VSTM2A: variants seen among roughly 807,000 people sequenced by gnomAD.
The protein encoded by VSTM2A is V-set and transmembrane domain containing 2A, also known as V-set and transmembrane domain-containing protein 2A.
A neutral mutation model predicts 27.3 loss-of-function variants in VSTM2A; 13 were observed. The observed-to-expected ratio is 0.48, with a 90% CI of 0.31 to 0.76. VSTM2A has a LOEUF of 0.76. Ranked by LOEUF, VSTM2A falls within the 30% of genes least tolerant of loss-of-function variation. The pLI is 0.05. For missense variants in VSTM2A, 280 were observed against 310.0 expected, an observed-to-expected ratio of 0.90 and a Z score of 0.73; for synonymous variants, 142 against 125.7, an observed-to-expected ratio of 1.13 and a Z score of -0.87.
chr7:54,545,043 G>C (rs574138429), intron 2 of VSTM2A, among the ~76,000 whole-genome samples: 1 of 152,308 alleles, frequency 6.6e-6, no homozygotes, highest in East Asian at 1.9e-4. Context: ...TGTAAGTTCT[G>C]GTACTTAGGC....
rs1363312916 is a variant in VSTM2A at position 54,549,896 on chromosome 7, G to C, written c.360G>C (p.Lys120Asn). 6.2e-7 allele frequency: 1 copy of C among 1,613,678 alleles called. No individual in the cohort carries two copies. Among genetic ancestry groups the C allele is most frequent in the Non-Finnish European group, 8.5e-7 (1 of 1,179,744 alleles). ...TTCAGATTTCCAAAGTGAGGAAAAA[G>C]GATGAAGGCTTATATGAGTGCAGGG... Reference protein sequence around the residue: ...HKLQISKVRKKDEGLYECRVT... With the variant: ...HKLQISKVRKNDEGLYECRVT... Residue 120 changes from lysine to asparagine, a missense_variant, in exon 4 of 5, where the codon AAG becomes AAC. Lys to Asn is a moderately conservative substitution (Grantham distance 94). Coordinates refer to ENST00000402613, the MANE Select transcript of VSTM2A (RefSeq NM_001301009.2).
At chr7:54,557,320 CTTT>C (rs10543201) in intron 4 of VSTM2A, 95 of 134,976 alleles carry the variant, frequency 7.0e-4, no homozygotes, top group African/African-American at 9.0e-4. Context: ...TCATTTCTTT[CTTT>C]TTTTTTTTTT....
intron 4 of VSTM2A, chr7:54,550,956 A>T (rs2115823593): frequency 6.6e-6 from 1 of 152,332 alleles, no homozygotes; most frequent in African/African-American, 2.4e-5. Flanking sequence ...GTGACATGGG[A>T]TGAAGGGAGC....
intron 4 of VSTM2A, chr7:54,557,832 A>G (rs2115874584): frequency 6.6e-6 from 1 of 152,300 alleles, no homozygotes; most frequent in East Asian, 1.9e-4. Flanking sequence ...AATGGTCTTT[A>G]CCACCTGGTT....
At chr7:54,554,997 C>T (rs924704709) in intron 4 of VSTM2A, among the ~76,000 whole-genome samples, 3 of 152,334 alleles carry the variant, frequency 2.0e-5, no homozygotes, top group Admixed American at 2.0e-4. Flanking sequence ...TCTTAGCTTT[C>T]TCACCAAAAA....
rs535409039 is a variant in VSTM2A, at chr7:54,550,227, G to T, written c.634+57G>T. On this transcript the variant is annotated intron_variant, in intron 4 of 4. Transcript: ENST00000402613. ...ACCACTCACAAACGCTCCACAGAAA[G>T]GTCAGTCGTATAGAGTAGACAGATT... The T allele has an allele frequency of 1.4e-4, 222 of 1,553,172 alleles. 4 individuals carry two copies. In the South Asian group the frequency reaches 2.3e-3, roughly 16 times the overall value.
intron 4 of VSTM2A, among the ~76,000 whole-genome samples, chr7:54,564,483 C>A (rs1195821253): frequency 6.6e-6 from 1 of 152,124 alleles, no homozygotes; most frequent in Non-Finnish European, 1.5e-5. Flanking sequence ...GGAAATTAAT[C>A]CATCAGAAAA....
chr7:54,552,345 A>G (rs549662212), intron 4 of VSTM2A: 9 of 152,304 alleles, frequency 5.9e-5, no homozygotes, highest in African/African-American at 1.9e-4. Context: ...TTTCGATTTC[A>G]GAAGCTGGGG....
At chr7:54,555,744 A>G (rs921482368) in intron 4 of VSTM2A, among the ~76,000 whole-genome samples, 5 of 152,166 alleles carry the variant, frequency 3.3e-5, no homozygotes, top group East Asian at 3.8e-4. Flanking sequence ...CAATTCCTCT[A>G]TGTGCCCTGA....
chr7:54,543,797 A>G (rs1014456451), intron 1 of VSTM2A, among the ~76,000 whole-genome samples: 38 of 152,336 alleles, frequency 2.5e-4, no homozygotes, highest in African/African-American at 8.7e-4. Context: ...CACGTTGGTA[A>G]CAAGATAAGA....
In VSTM2A at chr7:54,569,404, T is replaced by C. The variant is rs369008555; in HGVS notation, c.*185T>C. On this transcript the variant is annotated 3_prime_UTR_variant, in exon 5 of 5. Transcript: ENST00000402613. ...TTTTCTTTCGGCGACTAAAATCATC[T>C]CACTGACTGCTCAAGGGTTGGCCTG... 602 of 1,046,230 alleles carry C rather than the reference T, an allele frequency of 5.8e-4. 1 individual carries two copies. The highest frequency in any genetic ancestry group is 7.7e-4 in the Non-Finnish European group (578 of 746,310). The allele number at this position is 1,046,230 out of a possible 1,614,324, so 64.8% of individuals were successfully genotyped here.
Position 54,542,634 on chromosome 7 carries a change from A to G in VSTM2A, c.-97A>G, listed in dbSNP as rs1787818112. 1 of 1,084,918 alleles carries G rather than the reference A, an allele frequency of 9.2e-7. No individual in the cohort carries two copies. Among genetic ancestry groups the G allele is most frequent in the East Asian group, 2.4e-5 (1 of 42,412 alleles). 67.2% of individuals were successfully genotyped at this position (1,084,918 alleles called of 1,614,324 possible). ...GCAGGATGTTTGCAGTGTCGCGCCC[A>G]GGGCTCTGAGACTGAGCCTGCCATC... is the stretch of plus-strand genomic sequence containing the variant. On this transcript the variant is annotated 5_prime_UTR_variant, in exon 1 of 5. Coordinates refer to ENST00000402613, the MANE Select transcript of VSTM2A (RefSeq NM_001301009.2).
intron 1 of VSTM2A, 81 bp downstream of exon 1, chr7:54,542,890 T>G (rs145933861): frequency 2.3e-6 from 3 of 1,312,120 alleles, no homozygotes; most frequent in Non-Finnish European, 3.3e-6. Flanking sequence ...GACAGGCAGA[T>G]AGAATAAGCT....
In VSTM2A at chr7:54,549,712, C is replaced by A. The variant is rs570966766; in HGVS notation, c.298-122C>A. 1.3e-5 allele frequency: 12 copies of A among 898,548 alleles called. No individual in the cohort carries two copies. In the East Asian group the frequency reaches 3.2e-4, roughly 24 times the overall value. The allele number at this position is 898,548 out of a possible 1,614,324, so 55.7% of individuals were successfully genotyped here. On this transcript the variant is annotated intron_variant, in intron 3 of 4. Coordinates refer to ENST00000402613, the MANE Select transcript of VSTM2A (RefSeq NM_001301009.2). ...ACGTTAAGGAAATAAAAAGCTCCTT[C>A]ACTATGGCTATGGGGCCATTAAGAC...
chr7:54,560,070 AT>A (rs1788506543), intron 4 of VSTM2A: 1 of 152,172 alleles, frequency 6.6e-6, no homozygotes, highest in South Asian at 2.1e-4. Flanking sequence ...GAAAATTTAA[AT>A]TTTTTCCAAT....
At position 54,544,707 on chromosome 7, in the gene VSTM2A, C is replaced by T; in HGVS notation, c.165C>T (p.Ala55=). The T allele has an allele frequency of 6.2e-7, 1 of 1,612,784 alleles. No homozygotes were observed. The highest frequency in any genetic ancestry group is 8.5e-7 in the Non-Finnish European group (1 of 1,179,846). ...CCTGCGCCTTCCAGAGCGGCTCCGC[C>T]TCGGTGTATCTGGAGATCCAATGGT... The part of the protein sequence containing the change: ...EMSCAFQSGS[A]SVYLEIQWWF... The change falls in exon 2 of 5, where the codon GCC becomes GCT. Residue 55 remains alanine (A), a synonymous_variant. Transcript: ENST00000402613.
chr7:54,568,173 C>T (rs970061687), intron 4 of VSTM2A, among the ~76,000 whole-genome samples: 1 of 152,182 alleles, frequency 6.6e-6, no homozygotes, highest in Non-Finnish European at 1.5e-5. Flanking sequence ...ATTTATTCTA[C>T]ATATAGTGAC....
intron 1 of VSTM2A, among the ~76,000 whole-genome samples, chr7:54,543,228 G>A (rs1787841946): frequency 2.0e-5 from 3 of 152,116 alleles, no homozygotes; most frequent in African/African-American, 7.2e-5. Context: ...TTTCCCTTTT[G>A]TAGGTCCGTG....
At chr7:54,554,128 C>A in intron 4 of VSTM2A, 1 of 1,541,936 alleles carries the variant, frequency 6.5e-7, no homozygotes, top group South Asian at 1.2e-5. Context: ...TCACTGGTGT[C>A]TCCTGCTTCC....
Sources: gnomAD v4.1 joint callset for allele counts (sites outside exome capture counted in the v4.1 genomes callset) on GRCh38, gnomAD v4.1.1 for gene constraint, MANE v1.5 for transcripts, NCBI Gene and HGNC (gene_info 2026-07-23, HGNC 2026-07-21) for gene names.